Variants in ENTPD7 observed in about 807,000 individuals in gnomAD.
ENTPD7 encodes NTPDase 7.
Under a neutral mutation model 77.9 loss-of-function variants are expected in ENTPD7, and 53 were observed. The observed-to-expected ratio is 0.68, with a 90% confidence interval of 0.55 to 0.85. ENTPD7 has a LOEUF of 0.85. Among genes scored for constraint, ENTPD7 ranks in the 40% least tolerant of loss-of-function variants. ENTPD7 has a pLI of 0.00. For missense variants in ENTPD7, 636 were observed against 743.7 expected (o/e 0.86, Z 1.68); for synonymous variants, 248 against 274.9 (o/e 0.90, Z 0.97).
chr10:99,668,044 C>G (rs1033943473), intron 3 of ENTPD7, among the ~76,000 whole-genome samples: 1 of 145,322 alleles, frequency 6.9e-6, no homozygotes, highest in Admixed American at 7.3e-5. Flanking sequence ...AAGCGATTCT[C>G]ATGCCTTAGC....
Position 99,702,595 on chromosome 10 carries a change from C to G in ENTPD7, c.1505C>G (p.Thr502Arg), listed in dbSNP as rs556343062. 3 of 1,613,582 alleles carry G rather than the reference C, an allele frequency of 1.9e-6. No individual in the cohort carries two copies. In the African/African-American group the frequency reaches 4.0e-5, roughly 22 times the overall value. The change falls in exon 12 of 13, where the codon ACA (threonine) becomes AGA (arginine). Residue 502 changes from threonine to arginine, a missense_variant. Physicochemically the swap from Thr to Arg is moderately conservative, Grantham distance 71. Around this residue, in one of 3 missense-constraint regions of ENTPD7, gnomAD observed 138 missense variants for 150.9 expected, o/e 0.91. Coordinates refer to ENST00000370489, the MANE Select transcript of ENTPD7 (RefSeq NM_020354.5). ...HFPYDYPNLR[T>R]AQLVYDREVQ... ...CCCTATGACTACCCAAACCTGCGGACAGCCCAGCTGGTGTATGACCGAGAG... is the reference window on the plus strand; with the variant it reads ...CCCTATGACTACCCAAACCTGCGGAGAGCCCAGCTGGTGTATGACCGAGAG...
At position 99,706,794 on chromosome 10, in the gene ENTPD7, C is replaced by T. The variant is rs1045860060; in HGVS notation, c.*2111C>T. ...TAATGTCAAAATATGTTTTAGCTGC[C>T]TACTCAGGTAACGTTTTCTTTTGCT... On this transcript the variant is annotated 3_prime_UTR_variant, in exon 13 of 13. Coordinates refer to ENST00000370489, the MANE Select transcript of ENTPD7 (RefSeq NM_020354.5). Among the ~76,000 whole-genome samples the T allele has an allele frequency of 6.6e-6, 1 of 152,126 alleles. No individual in the cohort carries two copies. Among genetic ancestry groups the T allele is most frequent in the Non-Finnish European group, 1.5e-5 (1 of 68,036 alleles).
rs564893685 is a variant in ENTPD7 at position 99,707,914 on chromosome 10, A to G, written c.*3231A>G. Among the ~76,000 whole-genome samples the G allele has an allele frequency of 1.3e-5, 2 of 152,312 alleles. No homozygotes were observed. The highest frequency in any genetic ancestry group is 4.1e-4 in the South Asian group (2 of 4,824). On this transcript the variant is annotated 3_prime_UTR_variant, in exon 13 of 13. Coordinates refer to ENST00000370489, the MANE Select transcript of ENTPD7 (RefSeq NM_020354.5). ...TCTGGGAAACTTTTGTTCCCACACC[A>G]AGGAACAAATTCAGGGGGTACAAGT...
At chr10:99,701,108 CAGATTATAATGGAGAGTGAGCAATAA>C in intron 11 of ENTPD7, 50 bp downstream of exon 11, 5 of 1,404,802 alleles carry the variant, frequency 3.6e-6, no homozygotes, top group Non-Finnish European at 5.0e-6. Context: ...ATCTAGATGG[CAGATTATAATGGAGAGTGAGCAATAA>C]TGCAGATTAG....
chr10:99,690,831 A>G (rs1168350536), intron 7 of ENTPD7, among the ~76,000 whole-genome samples: 2 of 152,148 alleles, frequency 1.3e-5, no homozygotes, highest in South Asian at 4.1e-4. Flanking sequence ...AACCAACAAT[A>G]TTGTTAACAA....
chr10:99,707,731 C>T lies in ENTPD7; in HGVS notation c.*3048C>T, dbSNP rs760099350. Reference sequence around the variant, plus strand: ...GATGCTTTTTAGTCTTGTGATAGCACAATCCATCACTTTCCCCAAAATTCT... The same window carrying T: ...GATGCTTTTTAGTCTTGTGATAGCATAATCCATCACTTTCCCCAAAATTCT... On this transcript the variant is annotated 3_prime_UTR_variant, in exon 13 of 13. Transcript: ENST00000370489. Among the ~76,000 whole-genome samples, 9 of 152,212 alleles carry T rather than the reference C, an allele frequency of 5.9e-5. No individual in the cohort carries two copies. The highest frequency in any genetic ancestry group is 1.0e-4 in the Non-Finnish European group (7 of 68,040).
chr10:99,671,067 G>A (rs907932608), intron 3 of ENTPD7, among the ~76,000 whole-genome samples: 3 of 151,940 alleles, frequency 2.0e-5, no homozygotes, highest in African/African-American at 7.2e-5. Context: ...CCTGTATAGG[G>A]CACTTACCAT....
At chr10:99,702,486 A>C in intron 11 of ENTPD7, 26 bp from the exon 12 acceptor site, 1 of 1,507,616 alleles carries the variant, frequency 6.6e-7, no homozygotes, top group Non-Finnish European at 8.9e-7. Flanking sequence ...CTCTTTTTTT[A>C]AAATTTAATT....
chr10:99,685,960 G>A (rs1351588619), intron 6 of ENTPD7, 65 bp downstream of exon 6: 12 of 1,034,732 alleles, frequency 1.2e-5, no homozygotes, highest in South Asian at 2.9e-5. Flanking sequence ...CCTCTCTAAC[G>A]GGTGTTTAGA....
chr10:99,709,993 T>C lies in ENTPD7; in HGVS notation c.*5310T>C, dbSNP rs2036333204. On this transcript the variant is annotated 3_prime_UTR_variant, in exon 13 of 13. Coordinates refer to ENST00000370489, the MANE Select transcript of ENTPD7 (RefSeq NM_020354.5). ...TGTAATCCATCATTGCTTGCCATTTTTATGAAAACCAAAGTTGAAAAGTCT... is the reference window on the plus strand; with the variant it reads ...TGTAATCCATCATTGCTTGCCATTTCTATGAAAACCAAAGTTGAAAAGTCT... The C allele has an allele frequency of 1.0e-6, 1 of 985,450 alleles. No individual in the cohort carries two copies. The highest frequency in any genetic ancestry group is 1.7e-5 in the African/African-American group (1 of 57,358). The allele number at this position is 985,450 out of a possible 1,614,324, so 61.0% of individuals were successfully genotyped here. A position where few individuals can be genotyped will look rare whatever the true frequency, so the allele number is the denominator to read the frequency against.
chr10:99,670,585 G>A (rs1436889507), intron 3 of ENTPD7, among the ~76,000 whole-genome samples: 1 of 152,176 alleles, frequency 6.6e-6, no homozygotes. Flanking sequence ...AGGCTGTGTG[G>A]TGTATACGCT....
chr10:99,664,334 C>T (rs547492132), intron 3 of ENTPD7, among the ~76,000 whole-genome samples: 1 of 152,178 alleles, frequency 6.6e-6, no homozygotes, highest in South Asian at 2.1e-4. Context: ...GATCATAGCT[C>T]ACTATAACCT....
At chr10:99,693,204 A>C (rs999732025) in intron 8 of ENTPD7, among the ~76,000 whole-genome samples, 2 of 152,198 alleles carry the variant, frequency 1.3e-5, no homozygotes, top group Non-Finnish European at 2.9e-5. Flanking sequence ...ATATTAAGCA[A>C]ACAGTATTGT....
chr10:99,687,587 TTGGCCAC>T (rs1392737151), intron 6 of ENTPD7, among the ~76,000 whole-genome samples: 2 of 152,188 alleles, frequency 1.3e-5, no homozygotes, highest in Non-Finnish European at 2.9e-5. Context: ...TTTCAAAGCC[TTGGCCAC>T]TGCTATTTGG....
chr10:99,682,903 T>G (rs2035770419), intron 5 of ENTPD7, among the ~76,000 whole-genome samples: 1 of 152,152 alleles, frequency 6.6e-6, no homozygotes, highest in African/African-American at 2.4e-5. Context: ...AGGAACCCAC[T>G]TGGTAGTTTG....
At chr10:99,673,451 C>T (rs1473378950) in intron 3 of ENTPD7, among the ~76,000 whole-genome samples, 1 of 152,158 alleles carries the variant, frequency 6.6e-6, no homozygotes, top group African/African-American at 2.4e-5. Context: ...CATAAGAGGT[C>T]AGAGTTCCAG....
At position 99,709,306 on chromosome 10, in the gene ENTPD7, T is replaced by G; in HGVS notation, c.*4623T>G. 2.0e-6 allele frequency: 2 copies of G among 985,414 alleles called. No individual in the cohort carries two copies. The highest frequency in any genetic ancestry group is 2.4e-6 in the Non-Finnish European group (2 of 829,924). 61.0% of individuals were successfully genotyped at this position (985,414 alleles called of 1,614,324 possible). A position where few individuals can be genotyped will look rare whatever the true frequency, so the allele number is the denominator to read the frequency against. On this transcript the variant is annotated 3_prime_UTR_variant, in exon 13 of 13. Coordinates refer to ENST00000370489, the MANE Select transcript of ENTPD7 (RefSeq NM_020354.5). ...AATTAATTCAAAACTAGTATCTAAT[T>G]GTCCTTTTTGCTGTGGTATGTGGTG... is the stretch of plus-strand genomic sequence containing the variant.
chr10:99,684,295 A>G (rs1377315623), intron 5 of ENTPD7, among the ~76,000 whole-genome samples: 3 of 152,162 alleles, frequency 2.0e-5, no homozygotes, highest in Non-Finnish European at 4.4e-5. Context: ...CAGGTTATCC[A>G]TGTGCCTCAC....
At position 99,702,627 on chromosome 10, in the gene ENTPD7, T is replaced by C. The variant is rs1235689604; in HGVS notation, c.1537T>C (p.Trp513Arg). ...AQLVYDREVQ[W>R]TLGAILYKTR... ...GCTGGTGTATGACCGAGAGGTTCAG[T>C]GGACGCTGGGAGCCATTCTATATAA... is the stretch of plus-strand genomic sequence containing the variant. The change falls in exon 12 of 13, where the codon TGG (tryptophan) becomes CGG (arginine). Residue 513 changes from tryptophan to arginine, a missense_variant. Trp to Arg is a moderately radical substitution (Grantham distance 101, BLOSUM62 -3). Transcript: ENST00000370489. The C allele has an allele frequency of 4.3e-6, 7 of 1,613,634 alleles. No individual in the cohort carries two copies. Among genetic ancestry groups the C allele is most frequent in the Non-Finnish European group, 5.1e-6 (6 of 1,179,892 alleles).
Sources: allele counts gnomAD v4.1 joint callset (sites outside exome capture counted in the v4.1 genomes callset), GRCh38; gene constraint gnomAD v4.1.1; regional missense constraint gnomAD v4.1.1; transcripts MANE v1.5; gene names NCBI Gene and HGNC (gene_info 2026-07-23, HGNC 2026-07-21).